Variants in PI15 observed in about 807,000 individuals in gnomAD.
PI15 encodes the protein 25 kDa trypsin inhibitor.
Under a neutral mutation model 31.0 loss-of-function variants are expected in PI15, and 18 were observed. The ratio of observed to expected loss-of-function variants is 0.58; its 90% CI spans 0.40 to 0.86. PI15 has a LOEUF of 0.86. Ranked by LOEUF, PI15 falls within the 40% of genes least tolerant of loss-of-function variation. The pLI is 0.00. For missense variants in PI15, 282 were observed against 328.1 expected (o/e 0.86, Z 1.09); for synonymous variants, 118 against 119.1 (o/e 0.99, Z 0.06).
Position 74,849,487 on chromosome 8 carries a change from T to C in PI15, c.*234T>C. The C allele has an allele frequency of 7.6e-6, 3 of 396,976 alleles. No individual in the cohort carries two copies. Among genetic ancestry groups the C allele is most frequent in the South Asian group, 4.1e-5 (1 of 24,100 alleles). 24.6% of individuals were successfully genotyped at this position (396,976 alleles called of 1,614,324 possible). ...TAAGCCTAAATTAAGATATTGTATA[T>C]GTAATGATGACATAGTTGATGCATC... On this transcript the variant is annotated 3_prime_UTR_variant, in exon 6 of 6. Coordinates refer to ENST00000260113, the MANE Select transcript of PI15 (RefSeq NM_015886.5).
In PI15 at chr8:74,852,442, T is replaced by C. The variant is rs892474657; in HGVS notation, c.*3189T>C. The C allele has an allele frequency of 4.6e-5, 7 of 152,142 alleles. No homozygotes were observed. The highest frequency in any genetic ancestry group is 3.9e-4 in the Admixed American group (6 of 15,260). The allele number at this position is 152,142 out of a possible 1,614,324, so 9.4% of individuals were successfully genotyped here. A position where few individuals can be genotyped will look rare whatever the true frequency, so the allele number is the denominator to read the frequency against. ...TCAAAAAATGTGGATGAAGCCATTA[T>C]TGTTATTATTGTTATTGCTTCTGTT... On this transcript the variant is annotated 3_prime_UTR_variant, in exon 6 of 6. Coordinates refer to ENST00000260113, the MANE Select transcript of PI15 (RefSeq NM_015886.5).
intron 2 of PI15, among the ~76,000 whole-genome samples, chr8:74,831,546 C>T (rs1352121650): frequency 6.6e-6 from 1 of 152,042 alleles, no homozygotes; most frequent in African/African-American, 2.4e-5. Flanking sequence ...AATTTTTACT[C>T]GTGTGCCTGG....
chr8:74,837,128 A>G (rs1810883827), intron 2 of PI15, among the ~76,000 whole-genome samples: 2 of 152,152 alleles, frequency 1.3e-5, no homozygotes, highest in Non-Finnish European at 2.9e-5. Flanking sequence ...TAAGGAAAGC[A>G]TTATCTTTCT....
At chr8:74,847,674 T>G (rs190177986) in intron 5 of PI15, among the ~76,000 whole-genome samples, 222 of 152,256 alleles carry the variant, frequency 1.5e-3, no homozygotes, top group Non-Finnish European at 2.6e-3. Flanking sequence ...TGAATAAAAG[T>G]TTTTCATTTT....
intron 2 of PI15, chr8:74,826,191 TAGAA>T (rs1216626138): frequency 1.4e-5 from 4 of 286,508 alleles, no homozygotes. Context: ...TCATTTTACT[TAGAA>T]AGTAAAAAAA....
chr8:74,831,245 A>G (rs957998884), intron 2 of PI15, among the ~76,000 whole-genome samples: 2 of 152,214 alleles, frequency 1.3e-5, no homozygotes, highest in East Asian at 3.9e-4. Context: ...AAAGCTGTGA[A>G]TCACAGGTAG....
chr8:74,827,775 G>T (rs1810720773), intron 2 of PI15, among the ~76,000 whole-genome samples: 1 of 152,128 alleles, frequency 6.6e-6, no homozygotes, highest in African/African-American at 2.4e-5. Flanking sequence ...TAATATCCAT[G>T]CTCTATTTAT....
At chr8:74,838,485 C>T (rs564544397) in intron 2 of PI15, among the ~76,000 whole-genome samples, 51 of 152,042 alleles carry the variant, frequency 3.4e-4, no homozygotes, top group African/African-American at 1.1e-3. Flanking sequence ...TTTCATGATG[C>T]GAGGTTTGGG....
intron 2 of PI15, chr8:74,826,160 T>A (rs553759043): frequency 2.6e-4 from 56 of 214,648 alleles, no homozygotes; most frequent in African/African-American, 1.3e-3. Context: ...TGCTCTTTCT[T>A]AAAAATAGAC....
chr8:74,832,917 C>T (rs565336385), intron 2 of PI15, among the ~76,000 whole-genome samples: 1 of 152,076 alleles, frequency 6.6e-6, no homozygotes, highest in Non-Finnish European at 1.5e-5. Flanking sequence ...CTCAAGGACA[C>T]AATAATGTTT....
At chr8:74,847,521 T>G (rs1563570384) in intron 5 of PI15, among the ~76,000 whole-genome samples, 2 of 151,848 alleles carry the variant, frequency 1.3e-5, no homozygotes, top group Non-Finnish European at 2.9e-5. Context: ...CGAGCCACAC[T>G]CATAAGATAA....
intron 2 of PI15, among the ~76,000 whole-genome samples, chr8:74,830,697 C>T (rs949474070): frequency 6.6e-6 from 1 of 152,130 alleles, no homozygotes; most frequent in Non-Finnish European, 1.5e-5. Context: ...TTTATATATA[C>T]ATGTATATAT....
chr8:74,839,015 C>T (rs1012641131), intron 2 of PI15, among the ~76,000 whole-genome samples: 12 of 152,192 alleles, frequency 7.9e-5, no homozygotes, highest in African/African-American at 1.7e-4. Flanking sequence ...TATGGAAGTC[C>T]GCAACCTTTG....
intron 2 of PI15, among the ~76,000 whole-genome samples, chr8:74,843,542 AT>A (rs1179660161): frequency 1.3e-5 from 2 of 152,124 alleles, no homozygotes; most frequent in Non-Finnish European, 2.9e-5. Context: ...AGCCTGACCA[AT>A]TTGGTGAAAC....
In PI15 at chr8:74,849,124, T is replaced by G. The variant is rs1241194130; in HGVS notation, c.648T>G (p.Asn216Lys). 6.2e-7 allele frequency: 1 copy of G among 1,610,914 alleles called. No homozygotes were observed. Among genetic ancestry groups the G allele is most frequent in the Non-Finnish European group, 8.5e-7 (1 of 1,178,878 alleles). ...TTTTTGTTTTCCCTTCTAGGGGCAATTGGATTGGAGAAGCACCATATAAAG... is the reference window on the plus strand; with the variant it reads ...TTTTTGTTTTCCCTTCTAGGGGCAAGTGGATTGGAGAAGCACCATATAAAG... ...YLVCNYAPKGNWIGEAPYKVG... is the reference protein window; with the variant it reads ...YLVCNYAPKGKWIGEAPYKVG... The change falls in exon 6 of 6, where the codon AAT (asparagine) becomes AAG (lysine). Residue 216 changes from asparagine (N) to lysine (K), a missense_variant. By Grantham distance (94) the Asn-to-Lys change is moderately conservative (BLOSUM62 0). Coordinates refer to ENST00000260113, the MANE Select transcript of PI15 (RefSeq NM_015886.5).
At chr8:74,835,998 G>A (rs759097199) in intron 2 of PI15, among the ~76,000 whole-genome samples, 2 of 152,138 alleles carry the variant, frequency 1.3e-5, no homozygotes, top group East Asian at 1.9e-4. Flanking sequence ...TGGTGGTGGT[G>A]ATCAGTGGTT....
intron 3 of PI15, 27 bp from the exon 4 acceptor site, chr8:74,845,101 T>C (rs1308776061): frequency 6.2e-7 from 1 of 1,600,618 alleles, no homozygotes; most frequent in Admixed American, 1.7e-5. Flanking sequence ...TGCTGCACTC[T>C]GATTTCTTTC....
intron 2 of PI15, among the ~76,000 whole-genome samples, chr8:74,834,971 G>A (rs943759341): frequency 3.3e-5 from 5 of 151,570 alleles, no homozygotes; most frequent in African/African-American, 9.8e-5. Context: ...TGTTATAATG[G>A]AAAGGGATTC....
rs984832246 is a variant in PI15, at chr8:74,852,905, T to A, written c.*3652T>A. On this transcript the variant is annotated 3_prime_UTR_variant, in exon 6 of 6. Transcript: ENST00000260113. Reference sequence around the variant, plus strand: ...GTATCGAAGGATGCAAATGTTGACATAGATGGAAGCTCTTACCTACCAAAG... The same window carrying A: ...GTATCGAAGGATGCAAATGTTGACAAAGATGGAAGCTCTTACCTACCAAAG... 6.6e-6 allele frequency: 1 copy of A among 152,220 alleles called. No homozygotes were observed. Among genetic ancestry groups the A allele is most frequent in the Admixed American group, 6.5e-5 (1 of 15,282 alleles). 9.4% of individuals were successfully genotyped at this position (152,220 alleles called of 1,614,324 possible).
Sources: allele counts gnomAD v4.1 joint callset (sites outside exome capture counted in the v4.1 genomes callset), GRCh38; gene constraint gnomAD v4.1.1; transcripts MANE v1.5; gene names NCBI Gene and HGNC (gene_info 2026-07-23, HGNC 2026-07-21).